The following NEK11 variants were observed in gnomAD, a reference collection of about 807,000 sequenced individuals.
The protein encoded by NEK11 is NIMA related kinase 11.
A neutral mutation model predicts 80.7 loss-of-function variants in NEK11; 72 were observed. The observed-to-expected ratio is 0.89, with a 90% CI of 0.74 to 1.08. NEK11 has a LOEUF of 1.08. NEK11 is among the 50% of genes least tolerant of loss of function. NEK11 has a pLI of 0.00. For synonymous variants in NEK11, 251 were observed against 260.7 expected (o/e 0.96, Z 0.36); for missense variants, 764 against 763.6 (o/e 1.00, Z -0.01).
At chr3:131,210,321 C>G (rs2094570254) in intron 14 of NEK11, among the ~76,000 whole-genome samples, 2 of 152,188 alleles carry the variant, frequency 1.3e-5, no homozygotes, top group Admixed American at 1.3e-4. Flanking sequence ...AGTTTGATTG[C>G]ACTGTGGTCT....
chr3:131,251,158 AT>A (rs1316706410), intron 16 of NEK11, among the ~76,000 whole-genome samples: 7 of 151,132 alleles, frequency 4.6e-5, no homozygotes, highest in Admixed American at 2.6e-4. Flanking sequence ...TTTAAAAAAA[AT>A]AGTTGTATAA....
At chr3:131,155,180 C>A in intron 10 of NEK11, 59 bp downstream of exon 10, 1 of 1,106,614 alleles carries the variant, frequency 9.0e-7, no homozygotes, top group South Asian at 1.3e-5. Flanking sequence ...ATGTATTTGT[C>A]TTTAAAAATC....
intron 3 of NEK11, among the ~76,000 whole-genome samples, chr3:131,038,434 G>A (rs995058579): frequency 4.6e-5 from 7 of 152,188 alleles, no homozygotes; most frequent in Non-Finnish European, 1.0e-4. Flanking sequence ...TCCTAAGGCC[G>A]CTTTGCTGCA....
intron 17 of NEK11, among the ~76,000 whole-genome samples, chr3:131,282,273 G>A (rs1031183210): frequency 1.3e-5 from 2 of 152,024 alleles, no homozygotes; most frequent in Non-Finnish European, 2.9e-5. Flanking sequence ...TCAGACATTA[G>A]TCTGGCATTA....
Position 131,155,131 on chromosome 3 carries a change from T to G in NEK11, c.962+10T>G. The stretch of plus-strand genomic sequence containing the variant: ...ATATAATTAATGCCATGTAAGTAAT[T>G]GCTTTGTTTTTAAAAAGCCCATCGA... On this transcript the variant is annotated intron_variant, in intron 10 of 17. Coordinates refer to ENST00000383366, the MANE Select transcript of NEK11 (RefSeq NM_024800.5). The G allele has an allele frequency of 1.3e-6, 2 of 1,569,670 alleles. No individual in the cohort carries two copies. The highest frequency in any genetic ancestry group is 1.8e-6 in the Non-Finnish European group (2 of 1,140,150).
chr3:131,095,298 T>A (rs561665462), intron 4 of NEK11, among the ~76,000 whole-genome samples: 1 of 152,092 alleles, frequency 6.6e-6, no homozygotes, highest in Admixed American at 6.6e-5. Context: ...CTAATCTAAT[T>A]GTGTGAACCT....
At chr3:131,131,801 T>C (rs2084530848) in intron 5 of NEK11, among the ~76,000 whole-genome samples, 1 of 152,086 alleles carries the variant, frequency 6.6e-6, no homozygotes, top group Non-Finnish European at 1.5e-5. Context: ...AGATAACTGA[T>C]TTTAGATCTT....
chr3:131,307,288 C>T (rs150906887), intron 17 of NEK11, among the ~76,000 whole-genome samples: 3 of 152,294 alleles, frequency 2.0e-5, no homozygotes, highest in Admixed American at 6.5e-5. Flanking sequence ...TGAGCCACTG[C>T]GTTTGCAGAG....
At chr3:131,081,673 G>C (rs1442005869) in intron 4 of NEK11, among the ~76,000 whole-genome samples, 1 of 152,188 alleles carries the variant, frequency 6.6e-6, no homozygotes, top group Non-Finnish European at 1.5e-5. Context: ...ATTTGGTACT[G>C]TTCATACTTT....
At chr3:131,267,653 A>G (rs2096086707) in intron 16 of NEK11, among the ~76,000 whole-genome samples, 1 of 151,402 alleles carries the variant, frequency 6.6e-6, no homozygotes, top group Non-Finnish European at 1.5e-5. Flanking sequence ...TGTTAGTCTG[A>G]TGGGCTTCCC....
rs2096242029 is a variant in NEK11 at position 131,273,678 on chromosome 3, C to T, written c.1718+104C>T. ...TACTGTCTTAGTCCATTTGTGCTGC[C>T]GTGACAAAATACCTGGGACTAAGCT... On this transcript the variant is annotated intron_variant, in intron 17 of 17. Transcript: ENST00000383366. The T allele has an allele frequency of 3.6e-6, 3 of 824,532 alleles. No individual in the cohort carries two copies. In the South Asian group the frequency reaches 5.0e-5, roughly 14 times the overall value. 51.1% of individuals were successfully genotyped at this position (824,532 alleles called of 1,614,324 possible). A position where few individuals can be genotyped will look rare whatever the true frequency, so the allele number is the denominator to read the frequency against.
intron 7 of NEK11, among the ~76,000 whole-genome samples, chr3:131,143,499 A>G (rs1337027486): frequency 6.6e-6 from 1 of 151,966 alleles, no homozygotes; most frequent in Non-Finnish European, 1.5e-5. Context: ...AATATTATTC[A>G]TGAGTTTTGA....
intron 14 of NEK11, among the ~76,000 whole-genome samples, chr3:131,171,893 G>A (rs187222739): frequency 4.6e-5 from 7 of 152,214 alleles, no homozygotes; most frequent in African/African-American, 1.7e-4. Context: ...GTGAATGTTA[G>A]TCTGATCCTC....
At chr3:131,143,049 C>A (rs1036665078) in intron 7 of NEK11, among the ~76,000 whole-genome samples, 1 of 152,068 alleles carries the variant, frequency 6.6e-6, no homozygotes, top group South Asian at 2.1e-4. Context: ...TTTAAATATT[C>A]TTTAAAAAAT....
intron 17 of NEK11, among the ~76,000 whole-genome samples, chr3:131,315,705 C>T (rs1178610316): frequency 6.6e-6 from 1 of 151,956 alleles, no homozygotes; most frequent in Non-Finnish European, 1.5e-5. Flanking sequence ...GATGCTATCC[C>T]TCCCCCACCA....
chr3:131,289,763 G>A (rs1288145759), intron 17 of NEK11, among the ~76,000 whole-genome samples: 1 of 152,148 alleles, frequency 6.6e-6, no homozygotes, highest in Non-Finnish European at 1.5e-5. Context: ...AACTGGTCCA[G>A]GGCACACCTG....
At chr3:131,182,336 G>A (rs1469058683) in intron 14 of NEK11, among the ~76,000 whole-genome samples, 2 of 152,166 alleles carry the variant, frequency 1.3e-5, no homozygotes, top group Non-Finnish European at 2.9e-5. Flanking sequence ...ATAATAGTGT[G>A]TATAAGTGTG....
intron 14 of NEK11, among the ~76,000 whole-genome samples, chr3:131,180,867 A>C (rs1031874129): frequency 1.5e-4 from 23 of 152,310 alleles, no homozygotes; most frequent in African/African-American, 5.5e-4. Flanking sequence ...TCAGTCTATA[A>C]TATGTAAAAT....
intron 3 of NEK11, among the ~76,000 whole-genome samples, chr3:131,046,615 G>A (rs1423480273): frequency 6.6e-6 from 1 of 151,074 alleles, no homozygotes; most frequent in East Asian, 1.9e-4. Context: ...AAGTTCTAGG[G>A]TACATGTGCA....
Sources: allele counts gnomAD v4.1 joint callset (sites outside exome capture counted in the v4.1 genomes callset), GRCh38; gene constraint gnomAD v4.1.1; transcripts MANE v1.5; gene names NCBI Gene and HGNC (gene_info 2026-07-23, HGNC 2026-07-21).